Variants in AGO4 observed in about 807,000 individuals in gnomAD.
AGO4 encodes the protein argonaute RISC component 4.
In AGO4, 33 loss-of-function variants were observed where a neutral mutation model predicts 104.7. That is an observed-to-expected ratio of 0.32 (90% CI 0.24 to 0.42). The LOEUF (loss-of-function observed/expected upper bound fraction) is 0.42. Among genes scored for constraint, AGO4 ranks in the 10% least tolerant of loss-of-function variants. The probability of loss-of-function intolerance (pLI) is 1.00; values close to 1 mark genes in which losing one functional copy is unlikely to be tolerated. For synonymous variants in AGO4, 331 were observed against 364.7 expected (o/e 0.91, Z 1.05); for missense variants, 711 against 1,083.4 (o/e 0.66, Z 4.83).
rs1000215285 is a variant in AGO4 at position 35,850,075 on chromosome 1, C to G, written c.2176-82C>G. 11 of 850,532 alleles carry G rather than the reference C, an allele frequency of 1.3e-5. No homozygotes were observed. In the African/African-American group the frequency reaches 1.9e-4, roughly 15 times the overall value. 52.7% of individuals were successfully genotyped at this position (850,532 alleles called of 1,614,324 possible). ...TTAAGAGACATTTACCAACTTGCTC[C>G]CAATTAACACACAAAAGAAAAAAAT... On this transcript the variant is annotated intron_variant, in intron 15 of 17. Transcript: ENST00000373210.
chr1:35,813,452 T>C (rs1643574416), intron 1 of AGO4, among the ~76,000 whole-genome samples: 2 of 150,496 alleles, frequency 1.3e-5, no homozygotes, highest in East Asian at 4.0e-4. Context: ...TATGTGCTTT[T>C]GCTTCATTGA....
At chr1:35,845,783 A>G (rs1156652217) in intron 15 of AGO4, among the ~76,000 whole-genome samples, 1 of 152,200 alleles carries the variant, frequency 6.6e-6, no homozygotes, top group Non-Finnish European at 1.5e-5. Context: ...GCCAAAAACA[A>G]CAACAAAAAC....
chr1:35,849,409 G>A (rs925818799), intron 15 of AGO4, among the ~76,000 whole-genome samples: 66 of 151,352 alleles, frequency 4.4e-4, no homozygotes, highest in African/African-American at 1.5e-3. Context: ...ATTGCCAGAT[G>A]TGGTAGCTCG....
chr1:35,831,981 A>C (rs929921601), intron 9 of AGO4, 50 bp downstream of exon 9: 64 of 1,606,482 alleles, frequency 4.0e-5, no homozygotes, highest in Non-Finnish European at 5.2e-5. Flanking sequence ...ATGACAAAAA[A>C]CAAAAGAATA....
chr1:35,819,643 GA>G (rs554392664), intron 2 of AGO4, among the ~76,000 whole-genome samples: 44 of 148,700 alleles, frequency 3.0e-4, no homozygotes, highest in Admixed American at 1.6e-3. Flanking sequence ...TGAGGCAGAA[GA>G]ATCACTTGAA....
At position 35,816,775 on chromosome 1, in the gene AGO4, G is replaced by A. The variant is rs1643714967; in HGVS notation, c.20-107G>A. 3.1e-6 allele frequency: 4 copies of A among 1,299,016 alleles called. No individual in the cohort carries two copies. The South Asian group carries it at 5.1e-5, about 16-fold the overall frequency. The allele number at this position is 1,299,016 out of a possible 1,614,324, so 80.5% of individuals were successfully genotyped here. ...GATCAAGCCACTGCACTCCACCCTG[G>A]GTGAAAGAGCGAAACTCTGTCTCAA... is the stretch of plus-strand genomic sequence containing the variant. On this transcript the variant is annotated intron_variant, in intron 1 of 17. Transcript: ENST00000373210.
At position 35,841,643 on chromosome 1, in the gene AGO4, C is replaced by A. The variant is rs200474840; in HGVS notation, c.2068C>A (p.Arg690=). The A allele has an allele frequency of 3.8e-4, 611 of 1,613,834 alleles. 1 individual carries two copies. Among genetic ancestry groups the A allele is most frequent in the Non-Finnish European group, 4.9e-4 (577 of 1,179,988 alleles). ...AGCTTGGCCAGAACTAATAGCAATT[C>A]GAAAGGCATGTATTAGCTTGGAAGA... ...QVAWPELIAI[R]KACISLEEDY... Residue 690 remains arginine (R), a synonymous_variant, in exon 15 of 18, where the codon CGA becomes AGA. Coordinates refer to ENST00000373210, the MANE Select transcript of AGO4 (RefSeq NM_017629.4). This position sits in a 1 kb window ranked among gnomAD's most constrained non-coding sequence, Gnocchi z 4.7.
At chr1:35,825,272 T>A in intron 3 of AGO4, 41 bp from the exon 4 acceptor site, 1 of 1,592,422 alleles carries the variant, frequency 6.3e-7, no homozygotes, top group Non-Finnish European at 8.6e-7. Flanking sequence ...CCACAGCCAT[T>A]GTAAACATTT....
At chr1:35,842,921 ACTTCAT>A (rs1644480099) in intron 15 of AGO4, among the ~76,000 whole-genome samples, 1 of 152,176 alleles carries the variant, frequency 6.6e-6, no homozygotes, top group African/African-American at 2.4e-5. Context: ...TAATGACTTT[ACTTCAT>A]CTTGTCCAGG....
At chr1:35,826,647 A>G in intron 6 of AGO4, 101 bp from the exon 7 acceptor site, 1 of 1,060,726 alleles carries the variant, frequency 9.4e-7, no homozygotes, top group East Asian at 2.6e-5. Flanking sequence ...TGCAATTTTT[A>G]TCCTGTACAA....
At chr1:35,832,879 C>A (rs527499628) in intron 11 of AGO4, among the ~76,000 whole-genome samples, 2 of 152,286 alleles carry the variant, frequency 1.3e-5, no homozygotes, top group African/African-American at 2.4e-5. Flanking sequence ...CAGCCAAGAT[C>A]AAAAACTAGC....
At chr1:35,822,554 AG>A (rs1194636358) in intron 2 of AGO4, among the ~76,000 whole-genome samples, 1 of 152,142 alleles carries the variant, frequency 6.6e-6, no homozygotes, top group African/African-American at 2.4e-5. Context: ...ACACCCAGCC[AG>A]GTTATTCTTA....
upstream of AGO4, among the ~76,000 whole-genome samples, chr1:35,808,003 C>T (rs575157210): frequency 1.4e-4 from 21 of 151,004 alleles, no homozygotes; most frequent in Admixed American, 1.2e-3. The surrounding 1 kb of genome is among the most constrained non-coding windows in gnomAD (Gnocchi z 5.2). Context: ...CTGCACCCTC[C>T]GGGCGCGCGC....
chr1:35,831,699 C>A, intron 8 of AGO4, 113 bp from the exon 9 acceptor site: 1 of 1,544,088 alleles, frequency 6.5e-7, no homozygotes. Context: ...GATGATTTCA[C>A]TATATAACCA....
intron 12 of AGO4, among the ~76,000 whole-genome samples, chr1:35,835,051 T>C (rs988803272): frequency 7.3e-5 from 10 of 136,192 alleles, no homozygotes; most frequent in African/African-American, 2.7e-4. Flanking sequence ...TGCTCTGTCA[T>C]CCAGGCTGTA....
rs765764777 is a variant in AGO4, at chr1:35,825,477, A to G, written c.471A>G (p.Arg157=). Reference sequence around the variant, plus strand: ...TACAAGCACTTGATGTTATCACAAGACACCTTCCCTCCATGAGGTTAGTAC... The same window carrying G: ...TACAAGCACTTGATGTTATCACAAGGCACCTTCCCTCCATGAGGTTAGTAC... The part of the protein sequence containing the change: ...DSVQALDVIT[R]HLPSMRYTPV... The change falls in exon 4 of 18, where the codon AGA becomes AGG. Residue 157 remains arginine (R), a synonymous_variant. Coordinates refer to ENST00000373210, the MANE Select transcript of AGO4 (RefSeq NM_017629.4). The G allele has an allele frequency of 9.3e-6, 15 of 1,613,942 alleles. No individual in the cohort carries two copies. The South Asian group carries it at 1.5e-4, about 17-fold the overall frequency.
Position 35,835,941 on chromosome 1 carries a change from A to T in AGO4, c.1672A>T (p.Lys558Ter), listed in dbSNP as rs1644303216. ...SPQTLSNLCL[K>*]INAKLGGINN... ...TCAAACCCTTTCCAATCTTTGCCTG[A>T]AGATAAATGCAAAACTTGGAGGAAT... The change falls in exon 13 of 18, where the codon AAG becomes TAG. Residue 558 changes from lysine (K) to a stop codon, truncating the protein, a stop_gained. Coordinates refer to ENST00000373210, the MANE Select transcript of AGO4 (RefSeq NM_017629.4). LOFTEE classifies it high-confidence loss of function. 4.3e-6 allele frequency: 7 copies of T among 1,614,028 alleles called. No homozygotes were observed. Among genetic ancestry groups the T allele is most frequent in the Non-Finnish European group, 5.9e-6 (7 of 1,180,022 alleles).
intron 2 of AGO4, among the ~76,000 whole-genome samples, chr1:35,817,574 TGTG>T (rs1643752911): frequency 1.3e-5 from 2 of 152,214 alleles, no homozygotes; most frequent in Non-Finnish European, 2.9e-5. Flanking sequence ...ATGTAAGTAT[TGTG>T]GTCTGTATAG....
chr1:35,828,813 G>A (rs1008323684), intron 7 of AGO4, among the ~76,000 whole-genome samples: 3 of 152,006 alleles, frequency 2.0e-5, no homozygotes, highest in African/African-American at 4.8e-5. Context: ...GAGCCACTGC[G>A]CCCAGCCCAT....
Sources: allele counts gnomAD v4.1 joint callset (sites outside exome capture counted in the v4.1 genomes callset), GRCh38; gene constraint gnomAD v4.1.1; non-coding constraint Gnocchi (gnomAD v3.1); transcripts MANE v1.5; gene names NCBI Gene and HGNC (gene_info 2026-07-23, HGNC 2026-07-21).